PEX16: variants seen among roughly 807,000 people sequenced by gnomAD.
PEX16 encodes the protein peroxin 16.
A neutral mutation model predicts 50.5 loss-of-function variants in PEX16; 37 were observed. That is an observed-to-expected ratio of 0.73 (90% CI 0.56 to 0.96). PEX16 has a LOEUF of 0.96. PEX16 is among the 40% of genes least tolerant of loss of function. The pLI, the probability that PEX16 is intolerant of heterozygous loss-of-function variation, is 0.00. For missense variants in PEX16, 401 were observed against 438.3 expected, an observed-to-expected ratio of 0.91 and a Z score of 0.76; for synonymous variants, 185 against 190.3, an observed-to-expected ratio of 0.97 and a Z score of 0.23.
At position 45,917,347 on chromosome 11, in the gene PEX16, G is replaced by T; in HGVS notation, c.148+111C>A. On this transcript the variant is annotated intron_variant, in intron 2 of 10. Transcript: ENST00000378750. ...TGTGCCGATTCAGTCATAGCACAAG[G>T]TGTCTAACGGGCAGCCCAGGTCCTC... 2 of 903,316 alleles carry T rather than the reference G, an allele frequency of 2.2e-6. 1 individual carries two copies. Among genetic ancestry groups the T allele is most frequent in the South Asian group, 2.6e-5 (2 of 75,716 alleles). The allele number at this position is 903,316 out of a possible 1,614,324, so 56.0% of individuals were successfully genotyped here. A position where few individuals can be genotyped will look rare whatever the true frequency, so the allele number is the denominator to read the frequency against.
chr11:45,914,875 C>A (rs2086817788), intron 5 of PEX16, among the ~76,000 whole-genome samples, 191 bp from the exon 6 acceptor site: 1 of 152,226 alleles, frequency 6.6e-6, no homozygotes, highest in African/African-American at 2.4e-5. Context: ...GAGGAAAGCA[C>A]TCTGCAGCCC....
In PEX16 at chr11:45,909,713, A is replaced by G. The variant is rs1303622145; in HGVS notation, c.*541T>C. 6.2e-6 allele frequency: 2 copies of G among 323,930 alleles called. No homozygotes were observed. The highest frequency in any genetic ancestry group is 1.2e-5 in the Non-Finnish European group (2 of 169,926). 20.1% of individuals were successfully genotyped at this position (323,930 alleles called of 1,614,324 possible). A position where few individuals can be genotyped will look rare whatever the true frequency, so the allele number is the denominator to read the frequency against. Reference sequence around the variant, plus strand: ...ACTCTCAACCGAGGATGCAGGGCTTAAAGTGCCACTTGCGTGGGAGCCAGG... The same window carrying G: ...ACTCTCAACCGAGGATGCAGGGCTTGAAGTGCCACTTGCGTGGGAGCCAGG... On this transcript the variant is annotated 3_prime_UTR_variant, in exon 11 of 11. Coordinates refer to ENST00000378750, the MANE Select transcript of PEX16 (RefSeq NM_004813.4).
chr11:45,917,732 G>A lies in PEX16; in HGVS notation c.80C>T (p.Thr27Ile), dbSNP rs1448054269. The A allele has an allele frequency of 6.4e-7, 1 of 1,560,818 alleles. No homozygotes were observed. Among genetic ancestry groups the A allele is most frequent in the Non-Finnish European group, 8.7e-7 (1 of 1,152,582 alleles). Residue 27 changes from threonine to isoleucine, a missense_variant, in exon 1 of 11, where the codon ACA (threonine) becomes ATA (isoleucine). Thr to Ile is a moderately conservative substitution (Grantham distance 89). Transcript: ENST00000378750. Reference protein sequence around the residue: ...RHPAATAQLETAVRGFSYLLA... With the variant: ...RHPAATAQLEIAVRGFSYLLA... ...CAGGTAACTGAAGCCCCGCACTGCT[G>A]TCTCCAGCTGGGCCGTGGCGGCCGG...
Position 45,916,222 on chromosome 11 carries a change from C to T in PEX16, c.225+5G>A. 1.2e-6 allele frequency: 2 copies of T among 1,612,264 alleles called. No individual in the cohort carries two copies. The highest frequency in any genetic ancestry group is 1.7e-6 in the Non-Finnish European group (2 of 1,178,484). On this transcript the variant is annotated splice_donor_5th_base_variant and intron_variant, in intron 3 of 10. Transcript: ENST00000378750. ...TTCCCACCCTGTTCTTGGCAGAATT[C>T]TCACCACAGGCAACTTTTTCCGAAG... is the stretch of plus-strand genomic sequence containing the variant.
rs377151998 is a variant in PEX16, at chr11:45,910,929, G to A, written c.921C>T (p.Ala307=). The change falls in exon 10 of 11, where the codon GCC becomes GCT. Residue 307 remains alanine, a synonymous_variant. Transcript: ENST00000378750. ...ARILFLLQLL[A]DHVPGVGLVT... ...CCAGGCCAACGCCAGGGACGTGGTC[G>A]GCCAGCAACTGGAGCAGGAAGAGGA... The A allele has an allele frequency of 2.2e-5, 35 of 1,613,462 alleles. 2 individuals carry two copies. The highest frequency in any genetic ancestry group is 1.8e-4 in the South Asian group (16 of 91,088).
intron 2 of PEX16, 111 bp downstream of exon 2, chr11:45,917,347 G>A (rs1433140280): frequency 2.2e-6 from 2 of 903,198 alleles, no homozygotes; most frequent in African/African-American, 3.2e-5. Flanking sequence ...ATAGCACAAG[G>A]TGTCTAACGG....
Position 45,910,244 on chromosome 11 carries a change from G to A in PEX16, c.*10C>T, listed in dbSNP as rs201127195. On this transcript the variant is annotated 3_prime_UTR_variant, in exon 11 of 11. Coordinates refer to ENST00000378750, the MANE Select transcript of PEX16 (RefSeq NM_004813.4). ...CCACCCCTCCCCACACCCTCCTTCC[G>A]GGAGGTCTGTCAGCCCCAACTGTAG... 3.4e-4 allele frequency: 545 copies of A among 1,606,102 alleles called. 3 individuals carry two copies. The African/African-American group carries it at 5.8e-3, about 17-fold the overall frequency.
At chr11:45,917,270 G>A (rs992775644) in intron 2 of PEX16, 188 bp downstream of exon 2, 11 of 686,530 alleles carry the variant, frequency 1.6e-5, no homozygotes, top group Non-Finnish European at 2.9e-5. Context: ...GTCCCCAGAC[G>A]TGTCTCTTGA....
intron 9 of PEX16, 40 bp downstream of exon 9, chr11:45,913,779 G>T: frequency 6.2e-7 from 1 of 1,612,830 alleles, no homozygotes. Context: ...GTGCCCGCTT[G>T]CCAGCCCTCT....
In PEX16 at chr11:45,909,682, C is replaced by T; in HGVS notation, c.*572G>A. 4.0e-6 allele frequency: 1 copy of T among 250,188 alleles called. No individual in the cohort carries two copies. Among genetic ancestry groups the T allele is most frequent in the Non-Finnish European group, 7.9e-6 (1 of 125,952 alleles). The allele number at this position is 250,188 out of a possible 1,614,324, so 15.5% of individuals were successfully genotyped here. On this transcript the variant is annotated 3_prime_UTR_variant, in exon 11 of 11. Coordinates refer to ENST00000378750, the MANE Select transcript of PEX16 (RefSeq NM_004813.4). ...ATGTCCTTTTTCTAAGGGAGAAAAG[C>T]CTTTTACTCTCAACCGAGGATGCAG...
At chr11:45,911,001 T>C in intron 9 of PEX16, 39 bp from the exon 10 acceptor site, 1 of 1,184,414 alleles carries the variant, frequency 8.4e-7, no homozygotes. Context: ...CTGAGTGGGG[T>C]GGGGGTGGGT....
At position 45,917,243 on chromosome 11, in the gene PEX16, G is replaced by A. The variant is rs2086846666; in HGVS notation, c.148+215C>T. 1.2e-5 allele frequency: 8 copies of A among 689,964 alleles called. No homozygotes were observed. The South Asian group carries it at 1.2e-4, about 11-fold the overall frequency. The allele number at this position is 689,964 out of a possible 1,614,324, so 42.7% of individuals were successfully genotyped here. A position where few individuals can be genotyped will look rare whatever the true frequency, so the allele number is the denominator to read the frequency against. On this transcript the variant is annotated intron_variant, in intron 2 of 10. Coordinates refer to ENST00000378750, the MANE Select transcript of PEX16 (RefSeq NM_004813.4). Reference sequence around the variant, plus strand: ...CACTTAGTCCAGCGCCTGGCCAGTAGTGAATACTCAGATAAGGTCCCCAGA... The same window carrying A: ...CACTTAGTCCAGCGCCTGGCCAGTAATGAATACTCAGATAAGGTCCCCAGA...
chr11:45,914,127 T>C lies in PEX16; in HGVS notation c.767+4A>G, dbSNP rs1249190467. 28 of 1,595,576 alleles carry C rather than the reference T, an allele frequency of 1.8e-5. No homozygotes were observed. Among genetic ancestry groups the C allele is most frequent in the Non-Finnish European group, 2.1e-5 (25 of 1,170,674 alleles). ...AGTGAAGCCCCAGGCAGGCCCAGGC[T>C]CACCTGGTCACGTCCACAACACCAG... On this transcript the variant is annotated splice_donor_region_variant and intron_variant, in intron 8 of 10. Transcript: ENST00000378750.
intron 9 of PEX16, among the ~76,000 whole-genome samples, chr11:45,913,232 G>A (rs949125151): frequency 6.6e-6 from 1 of 152,152 alleles, no homozygotes; most frequent in Admixed American, 6.5e-5. Context: ...TCAGACTGTG[G>A]TCTAACCTCA....
In PEX16 at chr11:45,915,737, G is replaced by A. The variant is rs779016766; in HGVS notation, c.325C>T (p.Arg109Cys). Reference protein sequence around the residue: ...GAAKVWGEVGRWLVIALVQLA... With the variant: ...GAAKVWGEVGCWLVIALVQLA... ...TGGACGAGGGCGATGACAAGCCAGCGGCCCACTTCACCCCACACCTTGGCA... is the reference window on the plus strand; with the variant it reads ...TGGACGAGGGCGATGACAAGCCAGCAGCCCACTTCACCCCACACCTTGGCA... The change falls in exon 4 of 11, where the codon CGC becomes TGC. Residue 109 changes from arginine (R) to cysteine (C), a missense_variant. Arg to Cys is a radical substitution (Grantham distance 180). Coordinates refer to ENST00000378750, the MANE Select transcript of PEX16 (RefSeq NM_004813.4). 7.4e-6 allele frequency: 12 copies of A among 1,613,934 alleles called. No homozygotes were observed. The highest frequency in any genetic ancestry group is 6.6e-5 in the South Asian group (6 of 91,082).
intron 2 of PEX16, 25 bp from the exon 3 acceptor site, chr11:45,916,328 G>A: frequency 6.3e-7 from 1 of 1,589,970 alleles, no homozygotes; most frequent in Non-Finnish European, 8.6e-7. Context: ...GTGGCCTTGA[G>A]AGGCTGGCTC....
chr11:45,910,889 C>G lies in PEX16; in HGVS notation c.952+9G>C, dbSNP rs748837934. On this transcript the variant is annotated intron_variant, in intron 10 of 10. Transcript: ENST00000378750. Reference sequence around the variant, plus strand: ...GCACTACAGTCATCGCGTCCCCATCCCTGCTTACTTGTGACCAGGCCAACG... The same window carrying G: ...GCACTACAGTCATCGCGTCCCCATCGCTGCTTACTTGTGACCAGGCCAACG... 1.2e-6 allele frequency: 2 copies of G among 1,613,090 alleles called. No individual in the cohort carries two copies. The highest frequency in any genetic ancestry group is 2.2e-5 in the South Asian group (2 of 91,078).
At chr11:45,913,774 C>T (rs534817822) in intron 9 of PEX16, 45 bp downstream of exon 9, 45 of 1,612,160 alleles carry the variant, frequency 2.8e-5, no homozygotes, top group South Asian at 8.8e-5. Context: ...CACCAGTGCC[C>T]GCTTGCCAGC....
intron 10 of PEX16, 45 bp downstream of exon 10, chr11:45,910,853 T>A: frequency 6.7e-7 from 1 of 1,502,846 alleles, no homozygotes; most frequent in Non-Finnish European, 9.3e-7. Flanking sequence ...CTTGCATGCA[T>A]GCGCCTTCCA....
Sources: allele counts gnomAD v4.1 joint callset (sites outside exome capture counted in the v4.1 genomes callset), GRCh38; gene constraint gnomAD v4.1.1; transcripts MANE v1.5; gene names NCBI Gene and HGNC (gene_info 2026-07-23, HGNC 2026-07-21).